COL4A5: variants seen among roughly 807,000 people sequenced by gnomAD.
The protein encoded by COL4A5 is collagen alpha-5(IV) chain.
Under a neutral mutation model 130.2 loss-of-function variants are expected in COL4A5, and 26 were observed. The observed-to-expected ratio is 0.20, with a 90% CI of 0.15 to 0.28. COL4A5 has a LOEUF of 0.28. COL4A5 is among the 10% of genes least tolerant of loss of function. The pLI is 1.00. For synonymous variants in COL4A5, 496 were observed against 439.6 expected, an observed-to-expected ratio of 1.13 and a Z score of -1.60; for missense variants, 1,131 against 1,344.3, an observed-to-expected ratio of 0.84 and a Z score of 2.48.
At chrX:108,685,002 A>G (rs763392809) in intron 47 of COL4A5, among the ~76,000 whole-genome samples, 16 of 112,149 alleles carry the variant, frequency 1.4e-4, no homozygotes, top group Non-Finnish European at 1.5e-4. Flanking sequence ...ATAACAAAAA[A>G]CACATGATTA....
chrX:108,613,370 G>T (rs1293494609), intron 29 of COL4A5, among the ~76,000 whole-genome samples: 1 of 112,100 alleles, frequency 8.9e-6, no homozygotes, highest in African/African-American at 3.2e-5. Context: ...GAAGTACTTT[G>T]TCATCCCTTG....
intron 1 of COL4A5, among the ~76,000 whole-genome samples, chrX:108,532,993 T>A (rs1426631803): frequency 2.7e-5 from 3 of 111,618 alleles, no homozygotes; most frequent in Non-Finnish European, 3.8e-5. Context: ...ACATAATCGC[T>A]ATCAAAATGC....
At chrX:108,488,478 G>A (rs1337579156) in intron 1 of COL4A5, among the ~76,000 whole-genome samples, 1 of 112,108 alleles carries the variant, frequency 8.9e-6, no homozygotes, top group Non-Finnish European at 1.9e-5. Context: ...GGATAGTATG[G>A]ACCCTTGTCA....
chrX:108,669,347 T>C (rs1335394710), intron 41 of COL4A5, among the ~76,000 whole-genome samples: 1 of 112,349 alleles, frequency 8.9e-6, no homozygotes. Flanking sequence ...TCTGACATTA[T>C]ATAAGTGCAT....
chrX:108,478,139 C>T (rs1004939082), intron 1 of COL4A5, among the ~76,000 whole-genome samples: 2 of 111,487 alleles, frequency 1.8e-5, no homozygotes, highest in African/African-American at 3.3e-5. Flanking sequence ...TTCTTACCTC[C>T]GTTATGGAGT....
At chrX:108,571,304 A>C (rs1351568255) in intron 6 of COL4A5, 109 bp from the exon 7 acceptor site, 2 of 577,153 alleles carry the variant, frequency 3.5e-6, no homozygotes, top group East Asian at 7.3e-5. Context: ...GCAATCTGGC[A>C]TGTTTCAAAA....
At chrX:108,452,776 G>C (rs890932024) in intron 1 of COL4A5, among the ~76,000 whole-genome samples, 1 of 111,777 alleles carries the variant, frequency 8.9e-6, no homozygotes, top group African/African-American at 3.3e-5. Context: ...TGCAAACATG[G>C]ACAGTTTGAC....
chrX:108,529,771 A>G (rs2065361098), intron 1 of COL4A5, among the ~76,000 whole-genome samples: 1 of 110,903 alleles, frequency 9.0e-6, no homozygotes, highest in Non-Finnish European at 1.9e-5. Context: ...TATATCAGAT[A>G]AAAGAGAGTT....
At chrX:108,482,285 G>A (rs1411090543) in intron 1 of COL4A5, among the ~76,000 whole-genome samples, 2 of 111,515 alleles carry the variant, frequency 1.8e-5, no homozygotes, top group Admixed American at 1.9e-4. Context: ...CTCACCTCTA[G>A]TGGCCGCTGG....
At chrX:108,584,618 A>G in intron 18 of COL4A5, 93 bp downstream of exon 18, 1 of 749,915 alleles carries the variant, frequency 1.3e-6, no homozygotes, top group Non-Finnish European at 2.0e-6. Flanking sequence ...TTTTCTTGAT[A>G]GAACACAAAA....
chrX:108,670,255 A>G lies in COL4A5; in HGVS notation c.3799+19A>G, dbSNP rs2068174392. 8.3e-7 allele frequency: 1 copy of G among 1,208,565 alleles called. No individual in the cohort carries two copies. The highest frequency in any genetic ancestry group is 1.1e-6 in the Non-Finnish European group (1 of 894,391). ...CCTACAGGTTAGCTCCTTAACTCCA[A>G]AGTAGTAACTGCATGAAGTTTGAAA... is the stretch of plus-strand genomic sequence containing the variant. On this transcript the variant is annotated intron_variant, in intron 42 of 52. Transcript: ENST00000328300.
Position 108,666,477 on chromosome X carries a change from G to T in COL4A5, c.3455-19G>T. On this transcript the variant is annotated intron_variant, in intron 38 of 52. Transcript: ENST00000328300. Reference sequence around the variant, plus strand: ...GAAATTGGAAAACTGGGTGTAACCTGCTGTACTCAATTTTTTAGGTGGTGG... The same window carrying T: ...GAAATTGGAAAACTGGGTGTAACCTTCTGTACTCAATTTTTTAGGTGGTGG... The T allele has an allele frequency of 8.6e-7, 1 of 1,167,902 alleles. No individual in the cohort carries two copies. The highest frequency in any genetic ancestry group is 1.2e-6 in the Non-Finnish European group (1 of 861,095).
At chrX:108,666,019 T>A (rs2068070196) in intron 38 of COL4A5, among the ~76,000 whole-genome samples, 2 of 108,033 alleles carry the variant, frequency 1.9e-5, no homozygotes, top group Non-Finnish European at 3.8e-5. Context: ...GCCACTGCAC[T>A]CCAGCCTGGG....
At chrX:108,443,520 T>G (rs1001304323) in intron 1 of COL4A5, among the ~76,000 whole-genome samples, 11 of 112,129 alleles carry the variant, frequency 9.8e-5, no homozygotes, top group African/African-American at 3.6e-4. Flanking sequence ...GTTCTTTTTT[T>G]GTACTAATTT....
intron 34 of COL4A5, among the ~76,000 whole-genome samples, chrX:108,624,990 C>G (rs1408104766): frequency 1.8e-5 from 2 of 111,919 alleles, no homozygotes; most frequent in Admixed American, 9.5e-5. Context: ...TACTACATGG[C>G]CTTGATATAG....
At chrX:108,507,531 G>C (rs953828760) in intron 1 of COL4A5, among the ~76,000 whole-genome samples, 1 of 111,839 alleles carries the variant, frequency 8.9e-6, no homozygotes, top group Non-Finnish European at 1.9e-5. Context: ...CATTCCGGCC[G>C]GGCATGGTGG....
intron 42 of COL4A5, among the ~76,000 whole-genome samples, chrX:108,673,033 G>A (rs2068235242): frequency 8.9e-6 from 1 of 111,871 alleles, no homozygotes; most frequent in Non-Finnish European, 1.9e-5. Flanking sequence ...TAATGATAAT[G>A]TTTTCTATTT....
chrX:108,597,234 T>G, intron 23 of COL4A5, 143 bp from the exon 24 acceptor site: 2 of 760,713 alleles, frequency 2.6e-6, no homozygotes, highest in Non-Finnish European at 3.9e-6. Context: ...CTCACTTGAT[T>G]CAGCCCTTTG....
At chrX:108,473,419 C>G (rs914303823) in intron 1 of COL4A5, among the ~76,000 whole-genome samples, 16 of 106,871 alleles carry the variant, frequency 1.5e-4, no homozygotes, top group Non-Finnish European at 2.5e-4. Flanking sequence ...CAAAGACCTT[C>G]CAGTGGGACA....
Sources: gnomAD v4.1 joint callset for allele counts (sites outside exome capture counted in the v4.1 genomes callset) on GRCh38, gnomAD v4.1.1 for gene constraint, MANE v1.5 for transcripts, NCBI Gene and HGNC (gene_info 2026-07-23, HGNC 2026-07-21) for gene names.